VRK2: variants seen among roughly 807,000 people sequenced by gnomAD.
VRK2 encodes the protein VRK serine/threonine kinase 2.
In VRK2, 60 loss-of-function variants were observed where a neutral mutation model predicts 57.6. The observed-to-expected ratio is 1.04, with a 90% CI of 0.85 to 1.29. VRK2 has a LOEUF of 1.29. Ranked by LOEUF, VRK2 falls within the 50% of genes most tolerant of loss-of-function variation. VRK2 has a pLI of 0.00. For missense variants in VRK2, 705 were observed against 588.1 expected (o/e 1.20, Z -2.06); for synonymous variants, 231 against 199.2 (o/e 1.16, Z -1.35).
chr2:58,109,669 G>A (rs763168320), intron 7 of VRK2, among the ~76,000 whole-genome samples: 19 of 152,254 alleles, frequency 1.2e-4, no homozygotes, highest in Middle Eastern at 3.4e-3. Flanking sequence ...AACAGCATGC[G>A]GGAACCGCCC....
chr2:58,047,176 G>A lies in VRK2; in HGVS notation c.-6+308G>A, dbSNP rs551324213. The A allele has an allele frequency of 4.9e-5, 14 of 283,956 alleles. No homozygotes were observed. The South Asian group carries it at 9.4e-4, about 19-fold the overall frequency. 17.6% of individuals were successfully genotyped at this position (283,956 alleles called of 1,614,324 possible). Reference sequence around the variant, plus strand: ...CCGGTGCAGAGAGAACTTGTGGCGGGAAGTTGGGGCGCGGGGTTGGCCGTA... The same window carrying A: ...CCGGTGCAGAGAGAACTTGTGGCGGAAAGTTGGGGCGCGGGGTTGGCCGTA... On this transcript the variant is annotated intron_variant, in intron 1 of 12. Transcript: ENST00000340157.
At chr2:57,990,620 G>A (rs1331053281) in intron 1 of VRK2, among the ~76,000 whole-genome samples, 1 of 152,154 alleles carries the variant, frequency 6.6e-6, no homozygotes, top group Non-Finnish European at 1.5e-5. Flanking sequence ...TAGTGTTACA[G>A]TAGAGCTCAC....
chr2:58,051,366 T>C (rs1675715245), intron 2 of VRK2, among the ~76,000 whole-genome samples: 1 of 151,208 alleles, frequency 6.6e-6, no homozygotes, highest in African/African-American at 2.4e-5. Flanking sequence ...AAGATGTGTG[T>C]TCCAAATGTT....
intron 2 of VRK2, among the ~76,000 whole-genome samples, chr2:58,027,789 G>A (rs1237444496): frequency 1.3e-5 from 2 of 152,082 alleles, no homozygotes. Context: ...GTCCAGCATG[G>A]GAGGCCAAAG....
rs755341747 is a variant in VRK2 at position 57,914,583 on chromosome 2, ACTT to A, written c.-439+6752_-439+6754del. On this transcript the variant is annotated intron_variant, in intron 1 of 15. Coordinates refer to the VRK2 transcript ENST00000417641. ...CTGGTGCCTCATCTCCTTAGGTAAA[ACTT>A]CTTCTTCATCCAAATATCCGAAAAG... Among the ~76,000 whole-genome samples the A allele has an allele frequency of 2.4e-4, 36 of 152,066 alleles. 1 individual carries two copies. The highest frequency in any genetic ancestry group is 2.9e-5 in the Non-Finnish European group (2 of 67,926).
At chr2:57,915,593 C>A (rs1670120919) in intron 1 of VRK2, among the ~76,000 whole-genome samples, 1 of 152,158 alleles carries the variant, frequency 6.6e-6, no homozygotes, top group Admixed American at 6.5e-5. Context: ...GAAGATGGAA[C>A]AATGATGACT....
chr2:58,134,667 C>G (rs960717072), intron 9 of VRK2, among the ~76,000 whole-genome samples: 2 of 151,976 alleles, frequency 1.3e-5, no homozygotes, highest in Non-Finnish European at 2.9e-5. Context: ...TGGATCCCCC[C>G]GCCCCAGTTC....
intron 1 of VRK2, among the ~76,000 whole-genome samples, chr2:58,024,319 G>A (rs1031569908): frequency 2.6e-5 from 4 of 152,122 alleles, no homozygotes; most frequent in Admixed American, 1.3e-4. Flanking sequence ...TAGGTTGAGG[G>A]TTCAGTGGCA....
At chr2:58,114,919 G>A (rs1416069402) in intron 7 of VRK2, among the ~76,000 whole-genome samples, 1 of 152,164 alleles carries the variant, frequency 6.6e-6, no homozygotes, top group Non-Finnish European at 1.5e-5. Context: ...CTCGGGACAT[G>A]TTGAGTAAAG....
chr2:58,019,749 C>T (rs1270311059), intron 1 of VRK2, among the ~76,000 whole-genome samples: 2 of 152,158 alleles, frequency 1.3e-5, no homozygotes. Flanking sequence ...TACTAGTTTC[C>T]TATTGCTCAG....
intron 5 of VRK2, among the ~76,000 whole-genome samples, chr2:58,087,511 G>A (rs184771024): frequency 6.6e-6 from 1 of 152,118 alleles, no homozygotes; most frequent in Non-Finnish European, 1.5e-5. Flanking sequence ...AAATTCCTAA[G>A]TGTGTGTGTT....
chr2:57,934,773 C>G (rs1278550736), intron 1 of VRK2, among the ~76,000 whole-genome samples: 1 of 151,324 alleles, frequency 6.6e-6, no homozygotes, highest in African/African-American at 2.4e-5. Context: ...TCTTTTTTTT[C>G]TTTTTTCTCC....
At chr2:58,024,548 A>T (rs1673865852) in intron 1 of VRK2, among the ~76,000 whole-genome samples, 1 of 152,122 alleles carries the variant, frequency 6.6e-6, no homozygotes, top group African/African-American at 2.4e-5. Flanking sequence ...AATACTGTTT[A>T]TTTTTGGTGG....
At chr2:57,954,690 A>G (rs1478098089) in intron 1 of VRK2, among the ~76,000 whole-genome samples, 2 of 152,032 alleles carry the variant, frequency 1.3e-5, no homozygotes, top group Non-Finnish European at 2.9e-5. Context: ...TATAGGGTCA[A>G]TTTCCTAATC....
chr2:58,045,444 G>A (rs1674668199), upstream of VRK2, among the ~76,000 whole-genome samples: 1 of 152,056 alleles, frequency 6.6e-6, no homozygotes, highest in South Asian at 2.1e-4. Context: ...AAGGAGGAAA[G>A]AGTACCCAAT....
At chr2:57,976,374 C>G (rs552683094) in intron 1 of VRK2, among the ~76,000 whole-genome samples, 1 of 152,260 alleles carries the variant, frequency 6.6e-6, no homozygotes, top group African/African-American at 2.4e-5. Context: ...ACATTCCCAC[C>G]AGCAGAGTAT....
rs1684829732 is a variant in VRK2, at chr2:58,159,842, C to CT, written c.*150dup. On this transcript the variant is annotated 3_prime_UTR_variant, in exon 13 of 13. Coordinates refer to ENST00000340157, the MANE Select transcript of VRK2 (RefSeq NM_006296.7). ...TATTTTAACAAAGTTTGTGGACACTCTAAAAAATAAAATTGCTTTGTACTA... is the reference window on the plus strand; with the variant it reads ...TATTTTAACAAAGTTTGTGGACACTCTTAAAAAATAAAATTGCTTTGTACTA... 1.0e-5 allele frequency: 16 copies of CT among 1,607,810 alleles called. No individual in the cohort carries two copies. Among genetic ancestry groups the CT allele is most frequent in the Non-Finnish European group, 1.3e-5 (15 of 1,178,008 alleles).
intron 1 of VRK2, among the ~76,000 whole-genome samples, chr2:57,974,565 A>T (rs991479893): frequency 8.6e-5 from 13 of 151,932 alleles, no homozygotes; most frequent in Non-Finnish European, 1.5e-4. Flanking sequence ...AAATTCTTCT[A>T]AAAAATTAGC....
At chr2:58,016,048 C>T (rs1673571578) in intron 1 of VRK2, among the ~76,000 whole-genome samples, 1 of 151,486 alleles carries the variant, frequency 6.6e-6, no homozygotes, top group Admixed American at 6.6e-5. Flanking sequence ...TTTTCTTGTT[C>T]TAGAATTAAT....
Sources: gnomAD v4.1 joint callset for allele counts (sites outside exome capture counted in the v4.1 genomes callset) on GRCh38, gnomAD v4.1.1 for gene constraint, MANE v1.5 for transcripts, NCBI Gene and HGNC (gene_info 2026-07-23, HGNC 2026-07-21) for gene names.